Variants in OPCML observed in about 807,000 individuals in gnomAD.
The protein encoded by OPCML is opioid binding protein/cell adhesion molecule like.
A neutral mutation model predicts 37.8 loss-of-function variants in OPCML; 13 were observed. That is an observed-to-expected ratio of 0.34 (90% confidence interval 0.22 to 0.55). The LOEUF is 0.55. OPCML is among the 20% of genes least tolerant of loss of function. The pLI is 0.91. For synonymous variants in OPCML, 176 were observed against 168.8 expected, an observed-to-expected ratio of 1.04 and a Z score of -0.33; for missense variants, 341 against 435.6, an observed-to-expected ratio of 0.78 and a Z score of 1.93.
At position 132,759,074 on chromosome 11, in the gene OPCML, T is replaced by G. The variant is rs192812109; in HGVS notation, c.147-101755A>C. ...TTGAAATAATCATGTGGTTTTGTCA[T>G]TGGTTCTGTTTATGTGATGGGTTAC... On this transcript the variant is annotated intron_variant, in intron 2 of 7. Transcript: ENST00000524381. Among the ~76,000 whole-genome samples, 3 of 152,328 alleles carry G rather than the reference T, an allele frequency of 2.0e-5. No homozygotes were observed. The East Asian group carries it at 5.8e-4, about 29-fold the overall frequency.
chr11:132,512,309 G>A (rs750247586), intron 4 of OPCML, among the ~76,000 whole-genome samples: 9 of 151,950 alleles, frequency 5.9e-5, no homozygotes, highest in African/African-American at 1.9e-4. Context: ...TTTTTGTAAC[G>A]TTAAGTATAA....
At chr11:133,488,163 T>C (rs1280049412) in intron 1 of OPCML, among the ~76,000 whole-genome samples, 1 of 152,086 alleles carries the variant, frequency 6.6e-6, no homozygotes, top group Non-Finnish European at 1.5e-5. Context: ...AACATCTTAC[T>C]TAACAGAAAA....
intron 2 of OPCML, among the ~76,000 whole-genome samples, chr11:132,698,922 A>G (rs1368826346): frequency 6.6e-6 from 1 of 152,106 alleles, no homozygotes; most frequent in African/African-American, 2.4e-5. Flanking sequence ...TATTTTGATA[A>G]AGATTGCATT....
chr11:133,309,970 A>T (rs1471905549), intron 1 of OPCML, among the ~76,000 whole-genome samples: 1 of 152,182 alleles, frequency 6.6e-6, no homozygotes, highest in Non-Finnish European at 1.5e-5. Flanking sequence ...TGGACATGCA[A>T]ATGAGGCCGT....
chr11:133,154,803 C>T (rs928559859), intron 1 of OPCML, among the ~76,000 whole-genome samples: 1 of 152,008 alleles, frequency 6.6e-6, no homozygotes, highest in South Asian at 2.1e-4. Flanking sequence ...GGAAGAATAG[C>T]GAGGAGGATA....
chr11:133,236,167 G>A (rs1940507298), intron 1 of OPCML, among the ~76,000 whole-genome samples: 1 of 152,124 alleles, frequency 6.6e-6, no homozygotes, highest in East Asian at 1.9e-4. Flanking sequence ...AAGAAAATAA[G>A]GGTGGCTTGA....
intron 1 of OPCML, among the ~76,000 whole-genome samples, chr11:133,242,191 G>C (rs1449474175): frequency 6.6e-6 from 1 of 152,108 alleles, no homozygotes; most frequent in East Asian, 1.9e-4. Context: ...CACACATTTT[G>C]TACATGAGTC....
chr11:133,161,983 G>GTTTTTTTT (rs1592061925), intron 1 of OPCML, among the ~76,000 whole-genome samples: 1 of 78,016 alleles, frequency 1.3e-5, no homozygotes, highest in Admixed American at 1.1e-4. Context: ...GGCAGTCTCT[G>GTTTTTTTT]TCTTTTTTTT....
intron 1 of OPCML, among the ~76,000 whole-genome samples, chr11:133,530,028 C>T (rs1323654906): frequency 6.6e-6 from 1 of 152,212 alleles, no homozygotes; most frequent in Non-Finnish European, 1.5e-5. Flanking sequence ...AGGTAACAGA[C>T]TCTTCAGAAA....
chr11:132,790,838 A>C (rs957387486), intron 2 of OPCML, among the ~76,000 whole-genome samples: 2 of 152,234 alleles, frequency 1.3e-5, no homozygotes, highest in African/African-American at 2.4e-5. Flanking sequence ...GGAAAAGAGT[A>C]AGAACAATAT....
chr11:133,384,758 C>T (rs1175704674), intron 1 of OPCML, among the ~76,000 whole-genome samples: 1 of 152,182 alleles, frequency 6.6e-6, no homozygotes, highest in East Asian at 1.9e-4. Context: ...CTCAGTCCAC[C>T]CGCTCTTGCC....
chr11:133,402,351 C>T (rs1315724594), intron 1 of OPCML, among the ~76,000 whole-genome samples: 1 of 152,122 alleles, frequency 6.6e-6, no homozygotes, highest in Non-Finnish European at 1.5e-5. Flanking sequence ...CTTAAAGGTC[C>T]TACCTCTCAA....
At chr11:132,989,649 TC>T (rs1180876645) in intron 1 of OPCML, among the ~76,000 whole-genome samples, 25 of 128,550 alleles carry the variant, frequency 1.9e-4, no homozygotes, top group Admixed American at 9.6e-4. Context: ...GTGTGTGTGT[TC>T]AGAGGTGGAG....
chr11:132,685,586 C>A (rs547629812), intron 2 of OPCML, among the ~76,000 whole-genome samples: 88 of 152,278 alleles, frequency 5.8e-4, no homozygotes, highest in African/African-American at 2.0e-3. Flanking sequence ...GGGAAGGAAA[C>A]AGTAATTACA....
intron 1 of OPCML, among the ~76,000 whole-genome samples, chr11:133,204,882 A>ATATATATGTG (rs1555114201): frequency 3.3e-5 from 1 of 30,206 alleles, no homozygotes; most frequent in South Asian, 9.1e-4. Context: ...ATATATATAT[A>ATATATATGTG]TATATATATA....
chr11:132,647,548 ATAAAG>A (rs1351540883), intron 3 of OPCML, among the ~76,000 whole-genome samples: 1 of 152,226 alleles, frequency 6.6e-6, no homozygotes, highest in Non-Finnish European at 1.5e-5. Context: ...TATTCATATA[ATAAAG>A]TAAATTGGAG....
At chr11:132,995,369 A>G (rs1946862296) in intron 1 of OPCML, among the ~76,000 whole-genome samples, 1 of 152,168 alleles carries the variant, frequency 6.6e-6, no homozygotes. Flanking sequence ...AAGGAGTAGT[A>G]GTGATAATAA....
rs1305995923 is a variant in OPCML at position 132,764,443 on chromosome 11, CAG to C, written c.147-107126_147-107125del. Among the ~76,000 whole-genome samples the C allele has an allele frequency of 3.9e-5, 6 of 152,326 alleles. No individual in the cohort carries two copies. The South Asian group carries it at 1.0e-3, about 26-fold the overall frequency. On this transcript the variant is annotated intron_variant, in intron 2 of 7. Coordinates refer to ENST00000524381, the MANE Select transcript of OPCML (RefSeq NM_001012393.5). The stretch of plus-strand genomic sequence containing the variant: ...AAACTGGTGACTAACTGCATGACTG[CAG>C]AGAGAAGACCTGGTTTTAGACGTTA...
intron 2 of OPCML, among the ~76,000 whole-genome samples, chr11:132,846,387 A>G (rs1315104478): frequency 1.3e-5 from 2 of 152,234 alleles, no homozygotes; most frequent in Non-Finnish European, 2.9e-5. Flanking sequence ...GAGTTGGCAG[A>G]TAATGTCAGA....
Sources: allele counts gnomAD v4.1 joint callset (sites outside exome capture counted in the v4.1 genomes callset), GRCh38; gene constraint gnomAD v4.1.1; transcripts MANE v1.5; gene names NCBI Gene and HGNC (gene_info 2026-07-23, HGNC 2026-07-21).